The following KLHDC4 variants were observed in gnomAD, a reference collection of about 807,000 sequenced individuals.
KLHDC4 encodes kelch domain-containing protein 4.
In KLHDC4, 90 loss-of-function variants were observed where a neutral mutation model predicts 62.4. That is an observed-to-expected ratio of 1.44 (90% CI 1.22 to 1.72). KLHDC4 has a LOEUF of 1.72. Ranked by LOEUF, KLHDC4 falls within the 40% of genes most tolerant of loss-of-function variation. KLHDC4 has a pLI of 0.00. For synonymous variants in KLHDC4, 386 were observed against 284.4 expected, an observed-to-expected ratio of 1.36 and a Z score of -3.59; for missense variants, 1,025 against 699.7, an observed-to-expected ratio of 1.47 and a Z score of -5.25.
chr16:87,742,166 C>G (rs1354291801), intron 5 of KLHDC4, among the ~76,000 whole-genome samples: 1 of 152,152 alleles, frequency 6.6e-6, no homozygotes, highest in African/African-American at 2.4e-5. Context: ...TGTGTGAACC[C>G]CCAAGCCCAA....
At chr16:87,739,264 T>TCTCATCCATCCACACACCAGCAC (rs2041868443) in intron 5 of KLHDC4, among the ~76,000 whole-genome samples, 1 of 37,380 alleles carries the variant, frequency 2.7e-5, no homozygotes. Flanking sequence ...CACACCAGCA[T>TCTCATCCATCCACACACCAGCAC]CTCATCCATC....
intron 7 of KLHDC4, among the ~76,000 whole-genome samples, chr16:87,725,696 G>C (rs2039241244): frequency 6.6e-6 from 1 of 152,232 alleles, no homozygotes; most frequent in Non-Finnish European, 1.5e-5. Context: ...GACAGAGCCT[G>C]TGCCAGCCGC....
At chr16:87,742,085 GATCA>G (rs900780314) in intron 5 of KLHDC4, among the ~76,000 whole-genome samples, 2 of 151,704 alleles carry the variant, frequency 1.3e-5, no homozygotes, top group Non-Finnish European at 1.5e-5. Context: ...TTTCCTTTTA[GATCA>G]ATTTAAAAAA....
chr16:87,741,076 C>T (rs186647666), intron 5 of KLHDC4: 1 of 151,958 alleles, frequency 6.6e-6, no homozygotes, highest in African/African-American at 2.4e-5. Flanking sequence ...ACCATTATGA[C>T]GTCAAGTATA....
Position 87,711,273 on chromosome 16 carries a change from C to G in KLHDC4, c.1006G>C (p.Asp336His). ...GEFFNDLYFY[D>H]ATRNRWFEGQ... The stretch of plus-strand genomic sequence containing the variant: ...TCAAACCAACGGTTCCTGGTGGCGT[C>G]GTAGAAGTACAGATCGTTGAAGAAC... Residue 336 changes from aspartate (D) to histidine (H), a missense_variant, in exon 9 of 12, where the codon GAC (aspartate) becomes CAC (histidine). By Grantham distance (81) the Asp-to-His change is moderately conservative. Coordinates refer to ENST00000270583, the MANE Select transcript of KLHDC4 (RefSeq NM_017566.4). The G allele has an allele frequency of 1.9e-6, 3 of 1,614,176 alleles. No individual in the cohort carries two copies. The Admixed American group carries it at 5.0e-5, about 27-fold the overall frequency.
At chr16:87,725,412 G>A (rs961565228) in intron 7 of KLHDC4, among the ~76,000 whole-genome samples, 5 of 152,094 alleles carry the variant, frequency 3.3e-5, no homozygotes, top group South Asian at 4.1e-4. Flanking sequence ...TGAGCCGCCC[G>A]CCTCGGCCTC....
At chr16:87,738,079 G>A (rs186025933) in intron 5 of KLHDC4, among the ~76,000 whole-genome samples, 55 of 152,182 alleles carry the variant, frequency 3.6e-4, no homozygotes, top group Non-Finnish European at 7.3e-4. Flanking sequence ...GAGAGCTTCA[G>A]ACCATGCAAC....
chr16:87,749,411 G>A (rs759668715), intron 4 of KLHDC4, among the ~76,000 whole-genome samples: 8 of 152,020 alleles, frequency 5.3e-5, no homozygotes, highest in East Asian at 3.9e-4. Context: ...AACATTAGCC[G>A]GGCATGGTGG....
At chr16:87,725,918 C>A (rs1373689249) in intron 7 of KLHDC4, among the ~76,000 whole-genome samples, 3 of 152,142 alleles carry the variant, frequency 2.0e-5, no homozygotes, top group Admixed American at 6.5e-5. Flanking sequence ...GAGACTACTA[C>A]ACAGTAGTGA....
At position 87,730,459 on chromosome 16, in the gene KLHDC4, G is replaced by A. The variant is rs1017770744; in HGVS notation, c.599+93C>T. 6.7e-6 allele frequency: 7 copies of A among 1,052,490 alleles called. No homozygotes were observed. The Admixed American group carries it at 7.5e-5, about 11-fold the overall frequency. 65.2% of individuals were successfully genotyped at this position (1,052,490 alleles called of 1,614,324 possible). A position where few individuals can be genotyped will look rare whatever the true frequency, so the allele number is the denominator to read the frequency against. On this transcript the variant is annotated intron_variant, in intron 6 of 11. Transcript: ENST00000270583. Reference sequence around the variant, plus strand: ...TGAAGCTGGATTTGGGAGGATGGGTGCGTCTTTCTTGTGTATTCAGAATGC... The same window carrying A: ...TGAAGCTGGATTTGGGAGGATGGGTACGTCTTTCTTGTGTATTCAGAATGC...
At chr16:87,705,831 G>C (rs2034602694), downstream of KLHDC4, among the ~76,000 whole-genome samples, 2 of 152,096 alleles carry the variant, frequency 1.3e-5, no homozygotes, top group Non-Finnish European at 2.9e-5. Context: ...CTGCGCTCTG[G>C]CTTCTCAACC....
Position 87,709,204 on chromosome 16 carries a change from C to T in KLHDC4, c.1447+61G>A, listed in dbSNP as rs995978215. ...GCTTGCAGGGCTTGCTTTCGAGGGA[C>T]GCGACACACGACCGTGGGCTCTCGC... is the stretch of plus-strand genomic sequence containing the variant. On this transcript the variant is annotated intron_variant, in intron 10 of 11. Transcript: ENST00000270583. The T allele has an allele frequency of 2.2e-5, 34 of 1,549,058 alleles. No individual in the cohort carries two copies. In the East Asian group the frequency reaches 2.9e-4, roughly 13 times the overall value.
intron 2 of KLHDC4, among the ~76,000 whole-genome samples, chr16:87,759,289 T>C (rs1362125271): frequency 1.3e-5 from 2 of 151,766 alleles, no homozygotes; most frequent in African/African-American, 4.8e-5. Flanking sequence ...AATCACAGCA[T>C]TTTGGGAGGC....
At chr16:87,749,481 G>A (rs1394047326) in intron 4 of KLHDC4, among the ~76,000 whole-genome samples, 1 of 151,110 alleles carries the variant, frequency 6.6e-6, no homozygotes, top group East Asian at 1.9e-4. Flanking sequence ...TTGAACCTGG[G>A]AGGTGGAGGG....
intron 1 of KLHDC4, chr16:87,763,634 A>G (rs2046199015): frequency 6.6e-6 from 1 of 152,232 alleles, no homozygotes; most frequent in East Asian, 1.9e-4. Flanking sequence ...AAATGTCATT[A>G]AATGGTATCA....
intron 5 of KLHDC4, among the ~76,000 whole-genome samples, chr16:87,745,114 G>A (rs938658193): frequency 7.2e-5 from 11 of 152,176 alleles, no homozygotes. Flanking sequence ...CTTAAACTTG[G>A]GGGTCAGGGG....
intron 4 of KLHDC4, among the ~76,000 whole-genome samples, chr16:87,752,494 G>T (rs369317044): frequency 6.6e-6 from 1 of 151,870 alleles, no homozygotes; most frequent in Admixed American, 6.6e-5. Context: ...GCGCCACGAC[G>T]CCCAGGTAAT....
downstream of KLHDC4, among the ~76,000 whole-genome samples, chr16:87,704,051 G>C (rs529492522): frequency 2.6e-5 from 4 of 152,372 alleles, no homozygotes; most frequent in East Asian, 7.7e-4. Flanking sequence ...ATCACAGCTA[G>C]AGCTCGGCTC....
At position 87,756,436 on chromosome 16, in the gene KLHDC4, A is replaced by T. The variant is rs1333033724; in HGVS notation, c.233T>A (p.Leu78Ter). 6.2e-7 allele frequency: 1 copy of T among 1,614,076 alleles called. No individual in the cohort carries two copies. The highest frequency in any genetic ancestry group is 2.2e-5 in the East Asian group (1 of 44,890). ...SLSVHPEKDE[L>*]ILFGGEYFNG... Reference sequence around the variant, plus strand: ...GAAATATTCACCTCCAAAAAGGATTAACTCATCTTTCTCAGGATGAACCGA... The same window carrying T: ...GAAATATTCACCTCCAAAAAGGATTTACTCATCTTTCTCAGGATGAACCGA... Residue 78 changes from leucine (L) to a stop codon, truncating the protein, a stop_gained, in exon 3 of 12, where the codon TTA (leucine) becomes TAA (stop). Coordinates refer to ENST00000270583, the MANE Select transcript of KLHDC4 (RefSeq NM_017566.4). LOFTEE classifies it high-confidence loss of function.
Sources: gnomAD v4.1 joint callset for allele counts (sites outside exome capture counted in the v4.1 genomes callset) on GRCh38, gnomAD v4.1.1 for gene constraint, MANE v1.5 for transcripts, NCBI Gene and HGNC (gene_info 2026-07-23, HGNC 2026-07-21) for gene names.